WDFY3: variants seen among roughly 807,000 people sequenced by gnomAD.
WDFY3 encodes the protein WD repeat and FYVE domain containing 3.
Under a neutral mutation model 409.6 loss-of-function variants are expected in WDFY3, and 66 were observed. The observed-to-expected ratio is 0.16, with a 90% CI of 0.13 to 0.20. WDFY3 has a LOEUF of 0.20. Among genes scored for constraint, WDFY3 ranks in the 10% least tolerant of loss-of-function variants. The pLI, the probability that WDFY3 is intolerant of heterozygous loss-of-function variation, is 1.00. For missense variants in WDFY3, 3,031 were observed against 4,298.1 expected, an observed-to-expected ratio of 0.71 and a Z score of 8.24; for synonymous variants, 1,521 against 1,537.1, an observed-to-expected ratio of 0.99 and a Z score of 0.25.
chr4:84,761,333 A>G (rs1742557033), intron 32 of WDFY3, among the ~76,000 whole-genome samples: 1 of 152,136 alleles, frequency 6.6e-6, no homozygotes, highest in Admixed American at 6.5e-5. Flanking sequence ...TGCTTGGTGC[A>G]GAGCTGAGTT....
intron 26 of WDFY3, among the ~76,000 whole-genome samples, chr4:84,779,075 CTT>C (rs1314277946): frequency 2.6e-5 from 4 of 151,866 alleles, no homozygotes; most frequent in Non-Finnish European, 1.5e-5. Flanking sequence ...GCAACACGGT[CTT>C]AATAATTACA....
chr4:84,870,667 T>G (rs974986174), intron 3 of WDFY3, among the ~76,000 whole-genome samples: 1 of 152,084 alleles, frequency 6.6e-6, no homozygotes, highest in Non-Finnish European at 1.5e-5. Flanking sequence ...GAGCCTTATC[T>G]TTCCTGGGGG....
At chr4:84,808,240 A>G (rs1751855519) in intron 15 of WDFY3, 94 bp downstream of exon 15, 1 of 1,064,336 alleles carries the variant, frequency 9.4e-7, no homozygotes, top group African/African-American at 1.6e-5. Context: ...AAAAACTGAA[A>G]TCACAAAACA....
chr4:84,858,817 G>C (rs1289198113), intron 4 of WDFY3, among the ~76,000 whole-genome samples: 1 of 151,972 alleles, frequency 6.6e-6, no homozygotes, highest in African/African-American at 2.4e-5. Flanking sequence ...GGCATCGTCA[G>C]GGGCATGGAG....
intron 1 of WDFY3, among the ~76,000 whole-genome samples, chr4:84,934,811 C>A (rs1337981044): frequency 6.6e-6 from 1 of 152,062 alleles, no homozygotes; most frequent in Non-Finnish European, 1.5e-5. Flanking sequence ...CATGCTCCAC[C>A]TCTCTTATCC....
intron 5 of WDFY3, among the ~76,000 whole-genome samples, chr4:84,843,284 A>G (rs947162914): frequency 1.3e-5 from 2 of 152,250 alleles, no homozygotes; most frequent in Non-Finnish European, 2.9e-5. Context: ...CATAACAAAT[A>G]TATTTTACTA....
chr4:84,706,515 T>C (rs1731964046), intron 53 of WDFY3, among the ~76,000 whole-genome samples: 3 of 144,658 alleles, frequency 2.1e-5, no homozygotes, highest in African/African-American at 5.2e-5. Flanking sequence ...AGCAGGACAA[T>C]GCTGTAAAAG....
Position 84,733,508 on chromosome 4 carries a change from G to A in WDFY3, c.7095C>T (p.His2365=). 6.2e-7 allele frequency: 1 copy of A among 1,614,000 alleles called. No individual in the cohort carries two copies. Among genetic ancestry groups the A allele is most frequent in the Non-Finnish European group, 8.5e-7 (1 of 1,180,000 alleles). The change falls in exon 44 of 68, where the codon CAC becomes CAT. Residue 2365 remains histidine, a synonymous_variant. Transcript: ENST00000295888. Reference sequence around the variant, plus strand: ...TCATCTCCAGCATCCACTTGTCGAGGTGGGAGCCGATGGGAGGGCCCCACA... The same window carrying A: ...TCATCTCCAGCATCCACTTGTCGAGATGGGAGCCGATGGGAGGGCCCCACA... ...RGLWGPPIGS[H]LDKWMLEMTE... is the part of the protein sequence containing the mutation.
At chr4:84,752,012 G>T (rs1473347522) in intron 35 of WDFY3, among the ~76,000 whole-genome samples, 1 of 151,914 alleles carries the variant, frequency 6.6e-6, no homozygotes, top group East Asian at 1.9e-4. Context: ...AATAAAATTA[G>T]AATAAATATG....
chr4:84,819,483 TTACCTGAGA>T (rs1560840093), intron 12 of WDFY3, among the ~76,000 whole-genome samples: 1 of 152,104 alleles, frequency 6.6e-6, no homozygotes, highest in Non-Finnish European at 1.5e-5. Context: ...ACTGAACTTA[TTACCTGAGA>T]GTTGTTTGAT....
chr4:84,910,330 G>A (rs181509317), intron 2 of WDFY3, among the ~76,000 whole-genome samples: 135 of 152,110 alleles, frequency 8.9e-4, no homozygotes, highest in African/African-American at 3.1e-3. Context: ...TACAAGGGAT[G>A]ATTGTATATT....
chr4:84,701,206 A>G (rs1014846116), intron 56 of WDFY3, among the ~76,000 whole-genome samples: 2 of 152,254 alleles, frequency 1.3e-5, no homozygotes, highest in Non-Finnish European at 2.9e-5. Flanking sequence ...GGGAAAACCC[A>G]TCACTTTCTC....
intron 36 of WDFY3, among the ~76,000 whole-genome samples, chr4:84,748,341 T>C (rs1421539491): frequency 6.6e-6 from 1 of 152,218 alleles, no homozygotes; most frequent in East Asian, 1.9e-4. Context: ...TTTACAGATG[T>C]GTAAATTGTA....
chr4:84,797,641 C>T (rs1355028230), intron 18 of WDFY3, among the ~76,000 whole-genome samples: 9 of 151,622 alleles, frequency 5.9e-5, no homozygotes, highest in Non-Finnish European at 1.2e-4. Context: ...AGTGCAGTGG[C>T]GCGATCTCGG....
At chr4:84,800,277 A>G (rs989584249) in intron 17 of WDFY3, among the ~76,000 whole-genome samples, 1 of 152,220 alleles carries the variant, frequency 6.6e-6, no homozygotes, top group Non-Finnish European at 1.5e-5. Flanking sequence ...AAAGCTCCTA[A>G]AAGTTTTATA....
rs59161226 is a variant in WDFY3, at chr4:84,867,896, C to T, written c.-31-7274G>A. 4.3e-3 allele frequency among the ~76,000 whole-genome samples: 648 copies of T among 152,070 alleles called. 1 individual carries two copies. Among genetic ancestry groups the T allele is most frequent in the African/African-American group, 0.013 (550 of 41,486 alleles). ...AGAATTATAAGCAATTCCTGCCGGG[C>T]GCAGTGGCTCACGCCTGTAATCCCA... On this transcript the variant is annotated intron_variant, in intron 3 of 67. Coordinates refer to ENST00000295888, the MANE Select transcript of WDFY3 (RefSeq NM_014991.6).
chr4:84,773,615 T>C (rs561608426), intron 29 of WDFY3, among the ~76,000 whole-genome samples: 3 of 152,214 alleles, frequency 2.0e-5, no homozygotes, highest in Admixed American at 6.5e-5. Flanking sequence ...AAAGTGACCA[T>C]TACAATGCTA....
intron 4 of WDFY3, among the ~76,000 whole-genome samples, chr4:84,855,401 A>T (rs1056065840): frequency 6.6e-6 from 1 of 152,216 alleles, no homozygotes; most frequent in African/African-American, 2.4e-5. Context: ...ACTTATTTTT[A>T]AAATAATCAT....
intron 7 of WDFY3, among the ~76,000 whole-genome samples, chr4:84,835,030 C>T (rs569324634): frequency 1.3e-5 from 2 of 152,066 alleles, no homozygotes; most frequent in Non-Finnish European, 2.9e-5. Flanking sequence ...GATCATAAAC[C>T]GGAATATTAG....
Sources: gnomAD v4.1 joint callset for allele counts (sites outside exome capture counted in the v4.1 genomes callset) on GRCh38, gnomAD v4.1.1 for gene constraint, MANE v1.5 for transcripts, NCBI Gene and HGNC (gene_info 2026-07-23, HGNC 2026-07-21) for gene names.